RBFOX1: variants seen among roughly 807,000 people sequenced by gnomAD.
RBFOX1 encodes RNA binding fox-1 homolog 1.
In RBFOX1, 8 loss-of-function variants were observed where a neutral mutation model predicts 57.7. That is an observed-to-expected ratio of 0.14 (90% CI 0.08 to 0.25). RBFOX1 has a LOEUF of 0.25. Among genes scored for constraint, RBFOX1 ranks in the 10% least tolerant of loss-of-function variants. The pLI, the probability that RBFOX1 is intolerant of heterozygous loss-of-function variation, is 1.00. For missense variants in RBFOX1, 611 were observed against 548.5 expected (o/e 1.11, Z -1.14); for synonymous variants, 326 against 222.4 (o/e 1.47, Z -4.15).
At chr16:6,738,162 G>T (rs79867115) in intron 3 of RBFOX1, among the ~76,000 whole-genome samples, 1 of 151,628 alleles carries the variant, frequency 6.6e-6, no homozygotes, top group South Asian at 2.1e-4. Context: ...TTAAATGACT[G>T]TATGATGATC....
At chr16:5,827,088 CAT>C (rs1346787873) in intron 3 of RBFOX1, among the ~76,000 whole-genome samples, 1 of 152,140 alleles carries the variant, frequency 6.6e-6, no homozygotes, top group African/African-American at 2.4e-5. Flanking sequence ...CTCTTTCACA[CAT>C]GAGACCCTCC....
intron 3 of RBFOX1, among the ~76,000 whole-genome samples, chr16:6,873,409 G>C (rs1040263460): frequency 1.3e-5 from 2 of 152,148 alleles, no homozygotes; most frequent in African/African-American, 4.8e-5. Context: ...AATTAAAGAA[G>C]AAGTGCTCAC....
At chr16:6,139,522 C>G (rs1371102374) in intron 1 of RBFOX1, among the ~76,000 whole-genome samples, 1 of 152,102 alleles carries the variant, frequency 6.6e-6, no homozygotes, top group Admixed American at 6.5e-5. Flanking sequence ...TATTACCCTG[C>G]TCAATCCCAA....
intron 3 of RBFOX1, among the ~76,000 whole-genome samples, chr16:5,638,824 C>T (rs577716924): frequency 6.6e-5 from 10 of 152,244 alleles, no homozygotes; most frequent in African/African-American, 2.2e-4. Context: ...TGAATGGGCT[C>T]AGAGAAAGCC....
intron 2 of RBFOX1, among the ~76,000 whole-genome samples, chr16:6,586,908 A>G (rs2097631796): frequency 6.6e-6 from 1 of 152,206 alleles, no homozygotes. Context: ...TAAAAATTGT[A>G]TATTATGTAA....
intron 2 of RBFOX1, among the ~76,000 whole-genome samples, chr16:5,528,081 C>A (rs757012165): frequency 2.0e-5 from 3 of 152,144 alleles, no homozygotes; most frequent in Non-Finnish European, 4.4e-5. Context: ...ATTTAGTCGT[C>A]CTGGAGGACC....
At chr16:5,757,730 C>G (rs930809081) in intron 3 of RBFOX1, among the ~76,000 whole-genome samples, 1 of 152,114 alleles carries the variant, frequency 6.6e-6, no homozygotes, top group East Asian at 1.9e-4. Flanking sequence ...GGTCCTCATC[C>G]CCACTTCACA....
intron 1 of RBFOX1, among the ~76,000 whole-genome samples, chr16:6,102,177 C>CAAAAA (rs371780023): frequency 2.6e-5 from 3 of 114,032 alleles, no homozygotes; most frequent in African/African-American, 6.0e-5. Context: ...CTCTTTCAGC[C>CAAAAA]AAAAAAAAAA....
intron 4 of RBFOX1, among the ~76,000 whole-genome samples, chr16:7,344,586 T>C (rs897850500): frequency 1.3e-5 from 2 of 151,588 alleles, no homozygotes; most frequent in Non-Finnish European, 2.9e-5. Context: ...ATATAAATGA[T>C]AATAATAATT....
intron 3 of RBFOX1, among the ~76,000 whole-genome samples, chr16:6,923,932 G>T (rs943380296): frequency 1.8e-4 from 28 of 152,182 alleles, no homozygotes; most frequent in African/African-American, 5.8e-4. Context: ...GCACTTTGGA[G>T]GCTGAGTCAG....
chr16:6,325,361 A>G (rs1156716053), intron 2 of RBFOX1, among the ~76,000 whole-genome samples: 1 of 152,210 alleles, frequency 6.6e-6, no homozygotes, highest in Non-Finnish European at 1.5e-5. Flanking sequence ...CTGAAAAAGG[A>G]AAAATAAACT....
intron 4 of RBFOX1, among the ~76,000 whole-genome samples, chr16:7,388,190 G>A (rs967159222): frequency 6.6e-6 from 1 of 152,108 alleles, no homozygotes; most frequent in African/African-American, 2.4e-5. Context: ...AAAAGATTAA[G>A]CCTTTCCTTC....
intron 3 of RBFOX1, among the ~76,000 whole-genome samples, chr16:6,866,968 T>C (rs568627113): frequency 1.3e-5 from 2 of 152,082 alleles, no homozygotes; most frequent in African/African-American, 4.8e-5. Flanking sequence ...TCATACTGTT[T>C]TAAGCATACA....
At chr16:6,923,526 C>G (rs1422847927) in intron 3 of RBFOX1, among the ~76,000 whole-genome samples, 1 of 151,750 alleles carries the variant, frequency 6.6e-6, no homozygotes, top group African/African-American at 2.4e-5. Flanking sequence ...GAGAAAGACT[C>G]CATCTCAAAA....
chr16:6,933,935 C>G (rs180704054), intron 3 of RBFOX1, among the ~76,000 whole-genome samples: 10 of 152,092 alleles, frequency 6.6e-5, no homozygotes, highest in African/African-American at 2.2e-4. Flanking sequence ...TAAAAAACAA[C>G]AACATGGTAT....
At chr16:5,976,548 C>T (rs572388761) in intron 4 of RBFOX1, among the ~76,000 whole-genome samples, 5 of 152,246 alleles carry the variant, frequency 3.3e-5, no homozygotes, top group African/African-American at 1.2e-4. Flanking sequence ...TGAGGAACAT[C>T]ACGGTCTCTA....
chr16:6,813,207 G>A (rs912274819), intron 3 of RBFOX1, among the ~76,000 whole-genome samples: 6 of 152,058 alleles, frequency 3.9e-5, no homozygotes, highest in African/African-American at 1.4e-4. Flanking sequence ...TAGCAAGGAT[G>A]ATTGGCTAAT....
intron 1 of RBFOX1, among the ~76,000 whole-genome samples, chr16:6,262,885 G>A (rs72776466): frequency 0.012 from 1,855 of 152,266 alleles, 23 homozygotes; most frequent in Non-Finnish European, 0.02. Flanking sequence ...AACAGATCAA[G>A]GTAAGTACCA....
intron 1 of RBFOX1, among the ~76,000 whole-genome samples, chr16:6,149,167 C>T (rs929014182): frequency 6.6e-6 from 1 of 152,206 alleles, no homozygotes; most frequent in African/African-American, 2.4e-5. Context: ...TGGGGGCCTC[C>T]TTAATTTTTG....
Sources: allele counts gnomAD v4.1 joint callset (sites outside exome capture counted in the v4.1 genomes callset), GRCh38; gene constraint gnomAD v4.1.1; transcripts MANE v1.5; gene names NCBI Gene and HGNC (gene_info 2026-07-23, HGNC 2026-07-21).